The following RANBP17 variants were observed in gnomAD, a reference collection of about 807,000 sequenced individuals.
RANBP17 encodes the protein ran-binding protein 17.
In RANBP17, 158 loss-of-function variants were observed where a neutral mutation model predicts 141.2. The ratio of observed to expected loss-of-function variants is 1.12; its 90% CI spans 0.98 to 1.28. The LOEUF (loss-of-function observed/expected upper bound fraction) is 1.28. Among genes scored for constraint, RANBP17 ranks in the 50% most tolerant of loss-of-function variants. The pLI is 0.00. For missense variants in RANBP17, 1,438 were observed against 1,290.7 expected, an observed-to-expected ratio of 1.11 and a Z score of -1.75; for synonymous variants, 430 against 450.0, an observed-to-expected ratio of 0.96 and a Z score of 0.56.
chr5:171,095,982 T>C (rs556446562), intron 14 of RANBP17, among the ~76,000 whole-genome samples: 1 of 152,096 alleles, frequency 6.6e-6, no homozygotes, highest in South Asian at 2.1e-4. Flanking sequence ...TTAGAGGAAG[T>C]GGGTCATCAC....
chr5:171,258,991 T>C (rs971887043), intron 24 of RANBP17, among the ~76,000 whole-genome samples: 3 of 152,258 alleles, frequency 2.0e-5, no homozygotes, highest in East Asian at 3.9e-4. Context: ...AGGAGACCAA[T>C]ATCCAGAATA....
chr5:171,097,158 G>T (rs1401397080), intron 14 of RANBP17, among the ~76,000 whole-genome samples: 1 of 152,076 alleles, frequency 6.6e-6, no homozygotes, highest in African/African-American at 2.4e-5. Context: ...TTTGAGTCAT[G>T]TTACCTCCAT....
intron 13 of RANBP17, among the ~76,000 whole-genome samples, chr5:170,963,384 A>C (rs550372443): frequency 6.6e-6 from 1 of 152,292 alleles, no homozygotes; most frequent in South Asian, 2.1e-4. Context: ...TACCTGATTC[A>C]GGTAAGACCT....
chr5:171,090,371 A>G (rs1786155044), intron 14 of RANBP17, among the ~76,000 whole-genome samples: 2 of 152,248 alleles, frequency 1.3e-5, no homozygotes, highest in South Asian at 2.1e-4. Flanking sequence ...GATTTAGGCT[A>G]TCTGGCAGAA....
At chr5:170,913,341 G>A (rs1046922496) in intron 7 of RANBP17, among the ~76,000 whole-genome samples, 1 of 151,918 alleles carries the variant, frequency 6.6e-6, no homozygotes, top group Non-Finnish European at 1.5e-5. Context: ...CTGGGAGGTA[G>A]GGGTGGGTGA....
intron 24 of RANBP17, among the ~76,000 whole-genome samples, chr5:171,256,294 C>T (rs184384942): frequency 6.6e-6 from 1 of 152,246 alleles, no homozygotes; most frequent in African/African-American, 2.4e-5. Context: ...GGGAGTAATA[C>T]CTACCTTACA....
intron 4 of RANBP17, among the ~76,000 whole-genome samples, chr5:170,893,654 G>A (rs1038186402): frequency 7.9e-5 from 12 of 151,988 alleles, no homozygotes; most frequent in African/African-American, 1.4e-4. Flanking sequence ...TTAGCTGGGC[G>A]TGGTGGCGGG....
chr5:171,138,431 A>G (rs1453444922), intron 14 of RANBP17, among the ~76,000 whole-genome samples: 1 of 152,110 alleles, frequency 6.6e-6, no homozygotes, highest in Non-Finnish European at 1.5e-5. Context: ...TGGGCTGGCA[A>G]GAGAAAGTGA....
At chr5:170,864,733 T>G (rs1767095135) in intron 1 of RANBP17, among the ~76,000 whole-genome samples, 1 of 151,790 alleles carries the variant, frequency 6.6e-6, no homozygotes, top group African/African-American at 2.4e-5. Context: ...CAGGACTGTT[T>G]AAGAAGCAGG....
At position 171,241,206 on chromosome 5, in the gene RANBP17, G is replaced by A; in HGVS notation, c.2637+64G>A. ...GTGAAGTAACACCACCACAGGCCTGGAAGTGTTATAATGAAGCCCAGGGAG... is the reference window on the plus strand; with the variant it reads ...GTGAAGTAACACCACCACAGGCCTGAAAGTGTTATAATGAAGCCCAGGGAG... On this transcript the variant is annotated intron_variant, in intron 23 of 27. Coordinates refer to ENST00000523189, the MANE Select transcript of RANBP17 (RefSeq NM_022897.5). 2.4e-6 allele frequency: 3 copies of A among 1,236,974 alleles called. No individual in the cohort carries two copies. In the Admixed American group the frequency reaches 5.4e-5, roughly 22 times the overall value. The allele number at this position is 1,236,974 out of a possible 1,614,324, so 76.6% of individuals were successfully genotyped here. A position where few individuals can be genotyped will look rare whatever the true frequency, so the allele number is the denominator to read the frequency against.
chr5:170,975,147 T>C (rs563241198), intron 14 of RANBP17, among the ~76,000 whole-genome samples: 61 of 152,352 alleles, frequency 4.0e-4, no homozygotes, highest in African/African-American at 1.5e-3. Context: ...TTCCTTTTGA[T>C]TGACCATTTT....
At chr5:171,095,129 TAACTA>T (rs1188017334) in intron 14 of RANBP17, among the ~76,000 whole-genome samples, 1 of 152,186 alleles carries the variant, frequency 6.6e-6, no homozygotes, top group African/African-American at 2.4e-5. Flanking sequence ...CTTTATAACT[TAACTA>T]GTCTGTGATA....
chr5:171,168,217 A>G (rs557639036), intron 14 of RANBP17, among the ~76,000 whole-genome samples: 1 of 152,298 alleles, frequency 6.6e-6, no homozygotes, highest in South Asian at 2.1e-4. Context: ...GTGGGAACAT[A>G]AAGGAGAGTT....
intron 14 of RANBP17, among the ~76,000 whole-genome samples, chr5:171,133,334 T>C (rs1757058592): frequency 6.6e-6 from 1 of 152,236 alleles, no homozygotes. Context: ...CTGATGTGAC[T>C]ATTATAGTTA....
intron 5 of RANBP17, among the ~76,000 whole-genome samples, chr5:170,902,122 A>G (rs540820002): frequency 5.9e-5 from 9 of 152,266 alleles, no homozygotes; most frequent in East Asian, 5.8e-4. Context: ...GTGTTTTCCA[A>G]CTTGGTTCCA....
chr5:171,117,829 T>TTGTTG (rs1755747765), intron 14 of RANBP17, among the ~76,000 whole-genome samples: 37 of 147,558 alleles, frequency 2.5e-4, no homozygotes, highest in African/African-American at 9.0e-4. Context: ...TATGTGGGGT[T>TTGTTG]TTGTTGTTGT....
chr5:171,146,561 T>C (rs1758041165), intron 14 of RANBP17, among the ~76,000 whole-genome samples: 1 of 151,632 alleles, frequency 6.6e-6, no homozygotes, highest in African/African-American at 2.4e-5. Context: ...AAAAAAACGG[T>C]ATGTAATGTG....
intron 14 of RANBP17, among the ~76,000 whole-genome samples, chr5:171,103,807 G>A (rs573326129): frequency 4.3e-4 from 66 of 152,268 alleles, no homozygotes; most frequent in Non-Finnish European, 7.4e-4. Context: ...GGAGTGCACC[G>A]TTCCTCAAGG....
chr5:171,284,207 A>G (rs1768021031), intron 25 of RANBP17, among the ~76,000 whole-genome samples: 1 of 152,152 alleles, frequency 6.6e-6, no homozygotes, highest in South Asian at 2.1e-4. Context: ...ATAGCCACCT[A>G]AACAGCAGCC....
Sources: allele counts gnomAD v4.1 joint callset (sites outside exome capture counted in the v4.1 genomes callset), GRCh38; gene constraint gnomAD v4.1.1; transcripts MANE v1.5; gene names NCBI Gene and HGNC (gene_info 2026-07-23, HGNC 2026-07-21).